The following PLEK variants were observed in gnomAD, a reference collection of about 807,000 sequenced individuals.
PLEK encodes pleckstrin, also known as platelet 47 kDa protein.
PLEK carries 25 observed loss-of-function variants against 43.9 expected under a neutral mutation model. That is an observed-to-expected ratio of 0.57 (90% CI 0.41 to 0.79). The LOEUF (loss-of-function observed/expected upper bound fraction) is 0.79, where lower values mean the gene tolerates loss of function less well. PLEK is among the 30% of genes least tolerant of loss of function. PLEK has a pLI of 0.00. For synonymous variants in PLEK, 152 were observed against 144.4 expected, an observed-to-expected ratio of 1.05 and a Z score of -0.38; for missense variants, 396 against 413.3, an observed-to-expected ratio of 0.96 and a Z score of 0.36.
chr2:68,382,181 A>T (rs746638075), intron 3 of PLEK, among the ~76,000 whole-genome samples: 2 of 152,174 alleles, frequency 1.3e-5, no homozygotes, highest in Non-Finnish European at 2.9e-5. Context: ...AAAGATGTAG[A>T]ATGTGTAGAA....
intron 4 of PLEK, among the ~76,000 whole-genome samples, chr2:68,386,130 G>C (rs1558499838): frequency 7.1e-6 from 1 of 139,894 alleles, no homozygotes; most frequent in Non-Finnish European, 1.5e-5. Flanking sequence ...TATACTTTAA[G>C]TTTTAGGGTA....
chr2:68,393,362 A>G lies in PLEK; in HGVS notation c.846+117A>G, dbSNP rs942044031. On this transcript the variant is annotated intron_variant, in intron 7 of 8. Transcript: ENST00000234313. ...ATCCCCTTTTTCTCTTTACTGGCCCACTTTTTTTTCTCCCATTCTCCTCTA... is the reference window on the plus strand; with the variant it reads ...ATCCCCTTTTTCTCTTTACTGGCCCGCTTTTTTTTCTCCCATTCTCCTCTA... 1.4e-4 allele frequency: 98 copies of G among 710,358 alleles called. No individual in the cohort carries two copies. In the East Asian group the frequency reaches 2.3e-3, roughly 17 times the overall value. The allele number at this position is 710,358 out of a possible 1,614,324, so 44.0% of individuals were successfully genotyped here.
At chr2:68,374,741 A>G (rs955410591) in intron 1 of PLEK, among the ~76,000 whole-genome samples, 1 of 152,192 alleles carries the variant, frequency 6.6e-6, no homozygotes, top group Non-Finnish European at 1.5e-5. Flanking sequence ...TGAACGTCAT[A>G]TGAATGTAAT....
chr2:68,394,512 G>A (rs1414482061), intron 8 of PLEK, among the ~76,000 whole-genome samples: 1 of 151,594 alleles, frequency 6.6e-6, no homozygotes, highest in African/African-American at 2.4e-5. Context: ...TCCAGCCTGG[G>A]TGACAGAGCA....
At chr2:68,382,799 G>T (rs780332101) in intron 4 of PLEK, among the ~76,000 whole-genome samples, 166 bp downstream of exon 4, 1 of 152,150 alleles carries the variant, frequency 6.6e-6, no homozygotes, top group African/African-American at 2.4e-5. Flanking sequence ...AAAATAGAAA[G>T]AAGTTTGTTG....
At chr2:68,375,373 G>A (rs576610306) in intron 1 of PLEK, among the ~76,000 whole-genome samples, 58 of 152,230 alleles carry the variant, frequency 3.8e-4, no homozygotes, top group Non-Finnish European at 5.7e-4. Flanking sequence ...TTTAAAAATA[G>A]GATTATTTGT....
chr2:68,374,406 G>C (rs77534562), intron 1 of PLEK, among the ~76,000 whole-genome samples: 3 of 152,162 alleles, frequency 2.0e-5, no homozygotes, highest in African/African-American at 7.2e-5. Context: ...GTGATTAAGT[G>C]AGAGAAGTAA....
Position 68,396,423 on chromosome 2 carries a change from C to G in PLEK, c.*607C>G, listed in dbSNP as rs1303717356. On this transcript the variant is annotated 3_prime_UTR_variant, in exon 9 of 9. Transcript: ENST00000234313. Reference sequence around the variant, plus strand: ...AGGGCTCTCTTCTTTCTTCCTCATCCTACTCAAAAACTTCCCGAGAGCAGT... The same window carrying G: ...AGGGCTCTCTTCTTTCTTCCTCATCGTACTCAAAAACTTCCCGAGAGCAGT... The G allele has an allele frequency of 6.6e-6, 1 of 152,072 alleles. No homozygotes were observed. The highest frequency in any genetic ancestry group is 1.5e-5 in the Non-Finnish European group (1 of 68,028). 9.4% of individuals were successfully genotyped at this position (152,072 alleles called of 1,614,324 possible). A position where few individuals can be genotyped will look rare whatever the true frequency, so the allele number is the denominator to read the frequency against.
chr2:68,377,772 C>T (rs1043645801), intron 1 of PLEK, among the ~76,000 whole-genome samples: 7 of 152,042 alleles, frequency 4.6e-5, no homozygotes, highest in Non-Finnish European at 1.0e-4. Context: ...AGCTTTTTAC[C>T]TTGATGTGAT....
chr2:68,366,337 G>A (rs764048289), intron 1 of PLEK, among the ~76,000 whole-genome samples: 1 of 152,196 alleles, frequency 6.6e-6, no homozygotes, highest in Non-Finnish European at 1.5e-5. Flanking sequence ...CCTGTAAGGG[G>A]GGTTAAATAG....
At chr2:68,393,298 A>ATT in intron 7 of PLEK, 53 bp downstream of exon 7, 1 of 1,179,444 alleles carries the variant, frequency 8.5e-7, no homozygotes, top group South Asian at 1.2e-5. Context: ...CACTGCATTT[A>ATT]TAATCTGGGC....
intron 4 of PLEK, among the ~76,000 whole-genome samples, chr2:68,385,187 T>A (rs1673712560): frequency 6.6e-6 from 1 of 152,370 alleles, no homozygotes; most frequent in South Asian, 2.1e-4. Context: ...CTGATACACA[T>A]ATACATTGTG....
At chr2:68,365,771 T>G (rs567244833) in intron 1 of PLEK, among the ~76,000 whole-genome samples, 1 of 152,286 alleles carries the variant, frequency 6.6e-6, no homozygotes, top group South Asian at 2.1e-4. Context: ...TTATTTAAAT[T>G]CCACTTCCCC....
chr2:68,374,359 C>T (rs1245383180), intron 1 of PLEK, among the ~76,000 whole-genome samples: 6 of 152,114 alleles, frequency 3.9e-5, no homozygotes, highest in Non-Finnish European at 5.9e-5. Context: ...ATGATTCAAT[C>T]GAGGACAATT....
intron 4 of PLEK, among the ~76,000 whole-genome samples, chr2:68,383,430 A>C (rs1327394442): frequency 6.6e-6 from 1 of 152,152 alleles, no homozygotes; most frequent in African/African-American, 2.4e-5. Flanking sequence ...GATGGGTAGA[A>C]TTTCATTAAA....
chr2:68,383,197 A>G (rs1305881294), intron 4 of PLEK, among the ~76,000 whole-genome samples: 1 of 152,114 alleles, frequency 6.6e-6, no homozygotes, highest in Non-Finnish European at 1.5e-5. Flanking sequence ...TTCTCTGTCT[A>G]TTTAGTGGGG....
chr2:68,382,643 C>T lies in PLEK; in HGVS notation c.472+10C>T, dbSNP rs767883440. ...AATCACTGCTTCACAGGTAAAAGCA[C>T]TTGCAGGCCTGAAATAGGGCGACTG... On this transcript the variant is annotated intron_variant, in intron 4 of 8. Transcript: ENST00000234313. 1 of 1,499,266 alleles carries T rather than the reference C, an allele frequency of 6.7e-7. No homozygotes were observed. Among genetic ancestry groups the T allele is most frequent in the Non-Finnish European group, 9.3e-7 (1 of 1,076,352 alleles). The allele number at this position is 1,499,266 out of a possible 1,614,324, so 92.9% of individuals were successfully genotyped here.
chr2:68,373,607 A>G lies in PLEK; in HGVS notation c.43-6721A>G, dbSNP rs560348616. On this transcript the variant is annotated intron_variant, in intron 1 of 8. Transcript: ENST00000234313. ...AAAATAAAAAAAAAAAAAGAAAAGC[A>G]CAAACTCATATTGGACAGTTGGCTC... Among the ~76,000 whole-genome samples the G allele has an allele frequency of 2.0e-5, 3 of 152,070 alleles. No homozygotes were observed. The South Asian group carries it at 6.2e-4, about 32-fold the overall frequency.
chr2:68,365,463 G>A (rs976112788), intron 1 of PLEK, 70 bp downstream of exon 1: 14 of 1,150,656 alleles, frequency 1.2e-5, no homozygotes, highest in East Asian at 4.7e-5. Flanking sequence ...CAGCTCCACC[G>A]GCTACCTGCT....
Sources: gnomAD v4.1 joint callset for allele counts (sites outside exome capture counted in the v4.1 genomes callset) on GRCh38, gnomAD v4.1.1 for gene constraint, MANE v1.5 for transcripts, NCBI Gene and HGNC (gene_info 2026-07-23, HGNC 2026-07-21) for gene names.